CTR9: variants seen among roughly 807,000 people sequenced by gnomAD.
CTR9 encodes the protein CTR9 component of Paf1/RNA polymerase II complex.
In CTR9, 41 loss-of-function variants were observed where a neutral mutation model predicts 152.1. The observed-to-expected ratio is 0.27, with a 90% CI of 0.21 to 0.35. The LOEUF is 0.35. CTR9 is among the 10% of genes least tolerant of loss of function. CTR9 has a pLI of 1.00. For synonymous variants in CTR9, 476 were observed against 496.2 expected, an observed-to-expected ratio of 0.96 and a Z score of 0.54; for missense variants, 917 against 1,424.4, an observed-to-expected ratio of 0.64 and a Z score of 5.73.
In CTR9 at chr11:10,755,701, C is replaced by T. The variant is rs773774874; in HGVS notation, c.408C>T (p.Cys136=). The T allele has an allele frequency of 1.2e-6, 2 of 1,611,764 alleles. No individual in the cohort carries two copies. Among genetic ancestry groups the T allele is most frequent in the Non-Finnish European group, 1.7e-6 (2 of 1,178,252 alleles). Residue 136 remains cysteine, a synonymous_variant, in exon 4 of 25, where the codon TGC becomes TGT. Transcript: ENST00000361367. ...YDQNHLLGRA[C]FCLLEGDKMD... is the part of the protein sequence containing the mutation. Reference sequence around the variant, plus strand: ...AGAACCATTTGTTGGGAAGAGCCTGCTTCTGCCTACTTGAGGGTGACAAAA... The same window carrying T: ...AGAACCATTTGTTGGGAAGAGCCTGTTTCTGCCTACTTGAGGGTGACAAAA...
intron 18 of CTR9, among the ~76,000 whole-genome samples, chr11:10,771,197 T>C (rs74965377): frequency 2.0e-5 from 3 of 152,346 alleles, no homozygotes; most frequent in Non-Finnish European, 4.4e-5. Context: ...CAACTTAATA[T>C]TTTTATTCTT....
intron 18 of CTR9, 33 bp downstream of exon 18, chr11:10,770,665 C>T: frequency 1.9e-6 from 3 of 1,589,158 alleles, no homozygotes; most frequent in South Asian, 1.1e-5. Context: ...CTATGAAATG[C>T]TTTATTTGGT....
intron 16 of CTR9, among the ~76,000 whole-genome samples, chr11:10,768,975 A>T (rs1373044910): frequency 1.3e-5 from 2 of 152,084 alleles, no homozygotes; most frequent in East Asian, 3.9e-4. Flanking sequence ...GCACTTTGGG[A>T]GGCTGAGGCG....
In CTR9 at chr11:10,767,705, A is replaced by G; in HGVS notation, c.1687-101A>G. 1 of 1,014,120 alleles carries G rather than the reference A, an allele frequency of 9.9e-7. No homozygotes were observed. The highest frequency in any genetic ancestry group is 1.5e-6 in the Non-Finnish European group (1 of 678,968). 62.8% of individuals were successfully genotyped at this position (1,014,120 alleles called of 1,614,324 possible). ...AAAGAAAGAAAACCACTGTTGTAAT[A>G]TAGTTTGTAAACCTCTTCAGTAATC... On this transcript the variant is annotated intron_variant, in intron 13 of 24. Coordinates refer to ENST00000361367, the MANE Select transcript of CTR9 (RefSeq NM_014633.5). The surrounding 1 kb of genome is among the most constrained non-coding windows in gnomAD (Gnocchi z 4.0).
In CTR9 at chr11:10,752,725, T is replaced by C; in HGVS notation, c.99T>C (p.Ile33=). ...CGGAGGGAGATGAAGTTATCAGTAT[T>C]CTGAAACAGGAACACACACAACTGC... ...QLPEGDEVIS[I]LKQEHTQLHI... is the part of the protein sequence containing the mutation. Residue 33 remains isoleucine, a synonymous_variant, in exon 2 of 25, where the codon ATT becomes ATC. Coordinates refer to ENST00000361367, the MANE Select transcript of CTR9 (RefSeq NM_014633.5). The C allele has an allele frequency of 6.2e-7, 1 of 1,614,090 alleles. No homozygotes were observed. The highest frequency in any genetic ancestry group is 1.3e-5 in the African/African-American group (1 of 75,068).
intron 18 of CTR9, among the ~76,000 whole-genome samples, chr11:10,771,125 G>A (rs758024040): frequency 3.3e-5 from 5 of 152,160 alleles, no homozygotes; most frequent in Non-Finnish European, 7.3e-5. Flanking sequence ...TAGCCATATA[G>A]TATTTATATG....
At position 10,764,290 on chromosome 11, in the gene CTR9, TC is replaced by T; in HGVS notation, c.1285-17del. Reference sequence around the variant, plus strand: ...TCTCTTCCACTTACACCTTTTTCTGTCAATCATGAAAATACAGGGTGCCCTT... The same window carrying T: ...TCTCTTCCACTTACACCTTTTTCTGTAATCATGAAAATACAGGGTGCCCTT... On this transcript the variant is annotated splice_polypyrimidine_tract_variant and intron_variant, in intron 10 of 24. Transcript: ENST00000361367. 2 of 1,613,926 alleles carry T rather than the reference TC, an allele frequency of 1.2e-6. No individual in the cohort carries two copies. Among genetic ancestry groups the T allele is most frequent in the Non-Finnish European group, 1.7e-6 (2 of 1,179,914 alleles).
chr11:10,756,815 T>C lies in CTR9; in HGVS notation c.569T>C (p.Leu190Ser). The C allele has an allele frequency of 6.2e-7, 1 of 1,612,406 alleles. No individual in the cohort carries two copies. Among genetic ancestry groups the C allele is most frequent in the South Asian group, 1.1e-5 (1 of 90,924 alleles). ...RGALAYYKKA[L>S]RTNPGCPAEV... ...GCTCTTGCTTACTATAAGAAAGCAT[T>C]GCGTACTAACCCAGGATGTCCAGGT... Residue 190 changes from leucine to serine, a missense_variant, in exon 5 of 25, where the codon TTG (leucine) becomes TCG (serine). Physicochemically the swap from Leu to Ser is moderately radical, Grantham distance 145. Coordinates refer to ENST00000361367, the MANE Select transcript of CTR9 (RefSeq NM_014633.5).
chr11:10,768,499 C>T lies in CTR9; in HGVS notation c.2109+8C>T, dbSNP rs1348336255. 1.3e-6 allele frequency: 2 copies of T among 1,581,616 alleles called. No homozygotes were observed. The highest frequency in any genetic ancestry group is 1.7e-6 in the Non-Finnish European group (2 of 1,167,606). ...ATCAGCGCCGTTCAGATGGTAATAG[C>T]TTCTCTTTCAAGATATTTTTATATC... On this transcript the variant is annotated splice_region_variant and intron_variant, in intron 16 of 24. Transcript: ENST00000361367.
intron 4 of CTR9, among the ~76,000 whole-genome samples, chr11:10,756,314 G>A (rs1056672058): frequency 1.3e-5 from 2 of 152,144 alleles, no homozygotes; most frequent in African/African-American, 4.8e-5. Context: ...AGGTAAACTT[G>A]GTCATGGGGG....
intron 16 of CTR9, among the ~76,000 whole-genome samples, chr11:10,769,284 A>C (rs964688142): frequency 5.3e-5 from 8 of 152,230 alleles, no homozygotes; most frequent in African/African-American, 1.9e-4. Context: ...GAATTTTTTT[A>C]TGCTTACATT....
Position 10,756,605 on chromosome 11 carries a change from A to G in CTR9, c.503-144A>G, listed in dbSNP as rs1361987556. On this transcript the variant is annotated intron_variant, in intron 4 of 24. Transcript: ENST00000361367. ...ATAAATTAGTATACTTTTATGAAAA[A>G]CAAATTTTTAATATGAAATTTTGTT... is the stretch of plus-strand genomic sequence containing the variant. The G allele has an allele frequency of 1.1e-5, 6 of 543,040 alleles. No individual in the cohort carries two copies. The East Asian group carries it at 1.6e-4, about 15-fold the overall frequency. The allele number at this position is 543,040 out of a possible 1,614,324, so 33.6% of individuals were successfully genotyped here.
chr11:10,776,791 G>C (rs934915183), intron 24 of CTR9, among the ~76,000 whole-genome samples: 5 of 151,574 alleles, frequency 3.3e-5, no homozygotes, highest in African/African-American at 9.7e-5. Context: ...TGGCTAACAT[G>C]GCAAAACCCC....
At chr11:10,759,381 A>T (rs1031406571) in intron 5 of CTR9, among the ~76,000 whole-genome samples, 12 of 152,238 alleles carry the variant, frequency 7.9e-5, no homozygotes, top group African/African-American at 2.9e-4. Flanking sequence ...CATTGGATTT[A>T]GCACCATACA....
In CTR9 at chr11:10,775,374, C is replaced by A. The variant is rs538099394; in HGVS notation, c.2982+71C>A. On this transcript the variant is annotated intron_variant, in intron 23 of 24. Transcript: ENST00000361367. The stretch of plus-strand genomic sequence containing the variant: ...AGATTGCAGTACACTAGAATACATT[C>A]TTTCCTTGCAGCTTTCTCAAGCACA... 44 of 1,439,184 alleles carry A rather than the reference C, an allele frequency of 3.1e-5. No individual in the cohort carries two copies. The African/African-American group carries it at 4.4e-4, about 14-fold the overall frequency. The allele number at this position is 1,439,184 out of a possible 1,614,324, so 89.2% of individuals were successfully genotyped here.
intron 4 of CTR9, among the ~76,000 whole-genome samples, chr11:10,756,287 G>A (rs1021986010): frequency 1.3e-5 from 2 of 152,172 alleles, no homozygotes; most frequent in African/African-American, 4.8e-5. Context: ...AGTGGTACAA[G>A]TGCAGGTTTG....
intron 5 of CTR9, among the ~76,000 whole-genome samples, chr11:10,758,376 T>G (rs1862920259): frequency 6.6e-6 from 1 of 152,068 alleles, no homozygotes; most frequent in Admixed American, 6.6e-5. Flanking sequence ...TGGCTCACAC[T>G]AGGGAGGTAA....
intron 18 of CTR9, 40 bp from the exon 19 acceptor site, chr11:10,771,503 ATC>A (rs1294200747): frequency 1.5e-6 from 2 of 1,366,680 alleles, no homozygotes; most frequent in African/African-American, 1.4e-5. Context: ...TTTCATTAGA[ATC>A]TCTTTTTTTA....
intron 13 of CTR9, among the ~76,000 whole-genome samples, chr11:10,766,881 G>T (rs7126395): frequency 0.047 from 7,210 of 152,070 alleles, 551 homozygotes; most frequent in African/African-American, 0.16. Context: ...CCATAGCTAT[G>T]GTCATCTAAA....
Sources: gnomAD v4.1 joint callset for allele counts (sites outside exome capture counted in the v4.1 genomes callset) on GRCh38, gnomAD v4.1.1 for gene constraint, Gnocchi (gnomAD v3.1) non-coding constraint, MANE v1.5 for transcripts, NCBI Gene and HGNC (gene_info 2026-07-23, HGNC 2026-07-21) for gene names.